NDST4: variants seen among roughly 807,000 people sequenced by gnomAD.
The protein encoded by NDST4 is N-deacetylase and N-sulfotransferase 4.
Under a neutral mutation model 100.8 loss-of-function variants are expected in NDST4, and 63 were observed. That is an observed-to-expected ratio of 0.62 (90% confidence interval 0.51 to 0.77). The LOEUF (loss-of-function observed/expected upper bound fraction) is 0.77. Among genes scored for constraint, NDST4 ranks in the 30% least tolerant of loss-of-function variants. NDST4 has a pLI of 0.00. For missense variants in NDST4, 943 were observed against 1,018.4 expected (o/e 0.93, Z 1.01); for synonymous variants, 377 against 361.8 (o/e 1.04, Z -0.48).
At chr4:115,024,233 A>T (rs1362009893) in intron 2 of NDST4, among the ~76,000 whole-genome samples, 2 of 152,112 alleles carry the variant, frequency 1.3e-5, no homozygotes, top group African/African-American at 4.8e-5. Context: ...TAGTGAAGCC[A>T]TGAAGGTGGG....
intron 2 of NDST4, among the ~76,000 whole-genome samples, chr4:115,042,576 C>A (rs956190467): frequency 1.3e-5 from 2 of 151,976 alleles, no homozygotes; most frequent in South Asian, 4.2e-4. Context: ...TAAAACCTTA[C>A]CGTGTCTAAC....
intron 2 of NDST4, among the ~76,000 whole-genome samples, chr4:114,996,860 G>A (rs2126254098): frequency 6.6e-6 from 1 of 152,096 alleles, no homozygotes; most frequent in East Asian, 1.9e-4. Flanking sequence ...TGTGTTCATA[G>A]GTGGCCTCAT....
At chr4:114,875,627 T>C (rs1463224289) in intron 6 of NDST4, among the ~76,000 whole-genome samples, 2 of 152,222 alleles carry the variant, frequency 1.3e-5, no homozygotes. Flanking sequence ...ATTAGGCAAC[T>C]GCTTATCCCC....
chr4:114,931,176 A>C (rs1725505272), intron 6 of NDST4, among the ~76,000 whole-genome samples: 1 of 151,718 alleles, frequency 6.6e-6, no homozygotes, highest in Non-Finnish European at 1.5e-5. Context: ...TCATTACTAT[A>C]ATTAAAAATA....
intron 1 of NDST4, among the ~76,000 whole-genome samples, chr4:115,109,724 T>A (rs1729905238): frequency 6.6e-6 from 1 of 151,950 alleles, no homozygotes; most frequent in South Asian, 2.1e-4. Flanking sequence ...TGAAGTATAT[T>A]ATCTCTTTTA....
intron 6 of NDST4, among the ~76,000 whole-genome samples, chr4:114,907,518 T>C (rs1189857096): frequency 6.6e-6 from 1 of 152,178 alleles, no homozygotes; most frequent in Admixed American, 6.5e-5. Context: ...TTAAATTGTA[T>C]TTAACAAATG....
chr4:114,971,126 T>A (rs904668264), intron 3 of NDST4, among the ~76,000 whole-genome samples: 2 of 152,130 alleles, frequency 1.3e-5, no homozygotes, highest in African/African-American at 2.4e-5. Context: ...TTTTCAAAAA[T>A]CTTTTTCTAC....
intron 10 of NDST4, among the ~76,000 whole-genome samples, chr4:114,841,925 A>T (rs1368744921): frequency 6.6e-6 from 1 of 152,238 alleles, no homozygotes; most frequent in East Asian, 1.9e-4. Context: ...TTTCAGTAAT[A>T]CATTTTTTAT....
chr4:115,030,999 C>G (rs193296589), intron 2 of NDST4, among the ~76,000 whole-genome samples: 3 of 152,012 alleles, frequency 2.0e-5, no homozygotes, highest in African/African-American at 7.2e-5. Context: ...ATGTCATCAC[C>G]CCATCTATAT....
chr4:115,045,703 T>C (rs1728450986), intron 2 of NDST4, among the ~76,000 whole-genome samples: 1 of 152,194 alleles, frequency 6.6e-6, no homozygotes, highest in Non-Finnish European at 1.5e-5. Flanking sequence ...TAACATGGGT[T>C]TGCCTTCCCT....
At chr4:115,022,378 C>CATATGTTCCATAT (rs1727861139) in intron 2 of NDST4, among the ~76,000 whole-genome samples, 1 of 18,758 alleles carries the variant, frequency 5.3e-5, no homozygotes, top group African/African-American at 2.0e-4. Context: ...GTTCCATGTA[C>CATATGTTCCATAT]ATATGTGTTC....
intron 4 of NDST4, among the ~76,000 whole-genome samples, chr4:114,964,256 C>A (rs987714197): frequency 2.0e-5 from 3 of 152,130 alleles, no homozygotes; most frequent in Non-Finnish European, 4.4e-5. Flanking sequence ...TTGCCAATAA[C>A]CATGTGAGCT....
At chr4:115,084,744 G>T (rs190271163) in intron 1 of NDST4, among the ~76,000 whole-genome samples, 79 of 152,324 alleles carry the variant, frequency 5.2e-4, no homozygotes, top group African/African-American at 1.8e-3. Flanking sequence ...ATTGAAGTTT[G>T]AGAACCTCCG....
intron 2 of NDST4, among the ~76,000 whole-genome samples, chr4:115,033,470 T>A (rs933895323): frequency 6.6e-6 from 1 of 151,976 alleles, no homozygotes; most frequent in African/African-American, 2.4e-5. Flanking sequence ...AAAACTTATT[T>A]ATTCATAATA....
chr4:114,828,017 ATATC>A, intron 13 of NDST4, 82 bp from the exon 14 acceptor site: 1 of 1,269,358 alleles, frequency 7.9e-7, no homozygotes, highest in Non-Finnish European at 1.1e-6. Context: ...CTTAAGGAAT[ATATC>A]TACTACAGTA....
chr4:115,098,806 C>A (rs1729672385), intron 1 of NDST4, among the ~76,000 whole-genome samples: 1 of 152,150 alleles, frequency 6.6e-6, no homozygotes, highest in Non-Finnish European at 1.5e-5. Context: ...ATCAAGTGAT[C>A]TTCCCACCGC....
intron 2 of NDST4, among the ~76,000 whole-genome samples, chr4:114,996,474 CAT>C (rs1223007161): frequency 6.6e-6 from 1 of 151,996 alleles, no homozygotes; most frequent in Non-Finnish European, 1.5e-5. Flanking sequence ...TGTTATGACT[CAT>C]AACTAATTCC....
intron 6 of NDST4, among the ~76,000 whole-genome samples, chr4:114,890,983 T>C (rs1032142935): frequency 2.6e-5 from 4 of 152,106 alleles, no homozygotes; most frequent in African/African-American, 7.2e-5. Context: ...TTAGTTCTTT[T>C]GTATTTGGCT....
At chr4:114,946,057 C>T (rs1441639) in intron 4 of NDST4, among the ~76,000 whole-genome samples, 89,034 of 152,028 alleles carry the variant, frequency 0.59, 27,810 homozygotes, top group Non-Finnish European at 0.71. Flanking sequence ...AATTGAGACA[C>T]ATCCTTTTAA....
Sources: gnomAD v4.1 joint callset for allele counts (sites outside exome capture counted in the v4.1 genomes callset) on GRCh38, gnomAD v4.1.1 for gene constraint, MANE v1.5 for transcripts, NCBI Gene and HGNC (gene_info 2026-07-23, HGNC 2026-07-21) for gene names.